Variants in AGBL4 observed in about 807,000 individuals in gnomAD.
AGBL4 encodes the protein AGBL carboxypeptidase 4, also known as cytosolic carboxypeptidase 6.
In AGBL4, 58 loss-of-function variants were observed where a neutral mutation model predicts 66.4. The ratio of observed to expected loss-of-function variants is 0.87; its 90% CI spans 0.71 to 1.09. The LOEUF (loss-of-function observed/expected upper bound fraction) is 1.09. Ranked by LOEUF, AGBL4 falls within the 50% of genes least tolerant of loss-of-function variation. AGBL4 has a pLI of 0.00. For synonymous variants in AGBL4, 234 were observed against 222.9 expected, an observed-to-expected ratio of 1.05 and a Z score of -0.44; for missense variants, 579 against 631.0, an observed-to-expected ratio of 0.92 and a Z score of 0.88.
intron 3 of AGBL4, among the ~76,000 whole-genome samples, chr1:49,656,384 A>T (rs1646133233): frequency 6.6e-6 from 1 of 152,080 alleles, no homozygotes; most frequent in Non-Finnish European, 1.5e-5. Flanking sequence ...AACCAAAAAA[A>T]CTCCAGGACC....
chr1:49,747,000 T>TG (rs1188192505), intron 2 of AGBL4, among the ~76,000 whole-genome samples: 1 of 152,002 alleles, frequency 6.6e-6, no homozygotes, highest in Non-Finnish European at 1.5e-5. Context: ...ATTTCTAAAG[T>TG]GAAAAAATAC....
chr1:49,871,517 CT>C (rs1646838838), intron 1 of AGBL4, among the ~76,000 whole-genome samples: 1 of 152,058 alleles, frequency 6.6e-6, no homozygotes, highest in South Asian at 2.1e-4. Flanking sequence ...ATTTCACAAA[CT>C]TTCCAAAATC....
intron 5 of AGBL4, among the ~76,000 whole-genome samples, chr1:48,958,818 A>T (rs79867578): frequency 6.6e-6 from 1 of 152,184 alleles, no homozygotes; most frequent in African/African-American, 2.4e-5. Context: ...GCTTGGTTCA[A>T]TGCTCTGCTG....
intron 4 of AGBL4, among the ~76,000 whole-genome samples, chr1:49,170,368 T>C (rs1243944006): frequency 7.0e-6 from 1 of 143,142 alleles, no homozygotes; most frequent in East Asian, 2.0e-4. Flanking sequence ...GTCTCACTCT[T>C]GGTTCCATGA....
At chr1:49,275,259 G>A (rs899780301) in intron 3 of AGBL4, among the ~76,000 whole-genome samples, 1 of 152,114 alleles carries the variant, frequency 6.6e-6, no homozygotes, top group African/African-American at 2.4e-5. Context: ...TTCTTTATAA[G>A]GTTCTAGACC....
intron 3 of AGBL4, among the ~76,000 whole-genome samples, chr1:49,657,592 A>T (rs1341320973): frequency 6.6e-6 from 1 of 152,222 alleles, no homozygotes; most frequent in Non-Finnish European, 1.5e-5. Context: ...GCATCATGCT[A>T]CCTGACTTCA....
chr1:49,545,297 A>G (rs553189677), intron 3 of AGBL4, among the ~76,000 whole-genome samples: 4 of 152,194 alleles, frequency 2.6e-5, no homozygotes, highest in African/African-American at 4.8e-5. Flanking sequence ...ACTAGTTAAC[A>G]GTCACTTAAA....
chr1:49,039,744 A>C (rs1643893628), intron 5 of AGBL4, among the ~76,000 whole-genome samples: 1 of 152,140 alleles, frequency 6.6e-6, no homozygotes. Context: ...TTTCAGAAGA[A>C]TAACATAAAA....
intron 11 of AGBL4, among the ~76,000 whole-genome samples, chr1:48,557,290 G>C (rs1428350026): frequency 6.6e-6 from 1 of 152,136 alleles, no homozygotes; most frequent in Non-Finnish European, 1.5e-5. Context: ...CCTAGGCCAG[G>C]ATTATCTCAG....
intron 5 of AGBL4, among the ~76,000 whole-genome samples, chr1:49,026,328 A>G (rs762836428): frequency 6.6e-6 from 1 of 152,162 alleles, no homozygotes; most frequent in Admixed American, 6.5e-5. Context: ...CTGTCGGGCC[A>G]AAAAAGAACT....
chr1:49,614,898 A>G (rs866117450), intron 3 of AGBL4, among the ~76,000 whole-genome samples: 1 of 152,140 alleles, frequency 6.6e-6, no homozygotes, highest in South Asian at 2.1e-4. Context: ...AGTATATTTT[A>G]TTCATATTAG....
At position 49,412,664 on chromosome 1, in the gene AGBL4, T is replaced by C. The variant is rs114981512; in HGVS notation, c.283-166800A>G. 2.2e-3 allele frequency among the ~76,000 whole-genome samples: 341 copies of C among 152,216 alleles called. 1 individual carries two copies. The highest frequency in any genetic ancestry group is 3.4e-3 in the Non-Finnish European group (233 of 68,020). On this transcript the variant is annotated intron_variant, in intron 3 of 13. Coordinates refer to ENST00000371839, the MANE Select transcript of AGBL4 (RefSeq NM_032785.4). ...GTACTCTCCACTGGCCAGAAAATAT[T>C]TGGAAAAGTGGAGTTGAACTTCTTA...
At chr1:49,010,086 A>C (rs1447213941) in intron 5 of AGBL4, among the ~76,000 whole-genome samples, 1 of 152,190 alleles carries the variant, frequency 6.6e-6, no homozygotes, top group African/African-American at 2.4e-5. Flanking sequence ...AGGAAGTCAA[A>C]TTGTCCCTCT....
intron 3 of AGBL4, among the ~76,000 whole-genome samples, chr1:49,300,525 T>C (rs935112558): frequency 1.3e-5 from 2 of 152,216 alleles, no homozygotes; most frequent in Non-Finnish European, 2.9e-5. Context: ...TTATAGCGGT[T>C]CCCTGAACAG....
rs78811028 is a variant in AGBL4, at chr1:48,625,449, C to T, written c.951+9044G>A. 5.1e-3 allele frequency among the ~76,000 whole-genome samples: 769 copies of T among 152,246 alleles called. 10 individuals carry two copies. The highest frequency in any genetic ancestry group is 0.018 in the African/African-American group (738 of 41,528). ...AAAAATAACCAATGCTAAGGCTAAG[C>T]CCTTAATAGAGTTACAGTGTGTAGT... is the stretch of plus-strand genomic sequence containing the variant. On this transcript the variant is annotated intron_variant, in intron 9 of 13. Transcript: ENST00000371839.
At chr1:48,726,520 G>A (rs1367919901) in intron 6 of AGBL4, among the ~76,000 whole-genome samples, 4 of 152,056 alleles carry the variant, frequency 2.6e-5, no homozygotes, top group Non-Finnish European at 4.4e-5. Context: ...AAAAGCCTTG[G>A]CACATATTAA....
chr1:48,852,472 T>A (rs1647056109), intron 6 of AGBL4, among the ~76,000 whole-genome samples: 1 of 152,176 alleles, frequency 6.6e-6, no homozygotes, highest in South Asian at 2.1e-4. Context: ...ATGTATGTAC[T>A]TGGATCACAC....
At chr1:49,247,849 T>C (rs1231424147) in intron 3 of AGBL4, among the ~76,000 whole-genome samples, 1 of 152,180 alleles carries the variant, frequency 6.6e-6, no homozygotes, top group African/African-American at 2.4e-5. Context: ...AAAAGTTGTT[T>C]ATTTTAGCCC....
intron 4 of AGBL4, among the ~76,000 whole-genome samples, chr1:49,237,335 C>A (rs1397109373): frequency 6.6e-6 from 1 of 151,328 alleles, no homozygotes; most frequent in Non-Finnish European, 1.5e-5. Flanking sequence ...CTGCCACCAT[C>A]CATGTAAGAT....
Sources: allele counts gnomAD v4.1 joint callset (sites outside exome capture counted in the v4.1 genomes callset), GRCh38; gene constraint gnomAD v4.1.1; transcripts MANE v1.5; gene names NCBI Gene and HGNC (gene_info 2026-07-23, HGNC 2026-07-21).